EYS: variants seen among roughly 807,000 people sequenced by gnomAD.
EYS encodes EGF-like photoreceptor maintenance factor.
EYS carries 250 observed loss-of-function variants against 282.1 expected under a neutral mutation model. The observed-to-expected ratio is 0.89, with a 90% confidence interval of 0.80 to 0.98. The LOEUF (loss-of-function observed/expected upper bound fraction) is 0.98, where lower values mean the gene tolerates loss of function less well. Among genes scored for constraint, EYS ranks in the 50% least tolerant of loss-of-function variants. The pLI, the probability that EYS is intolerant of heterozygous loss-of-function variation, is 0.00. For synonymous variants in EYS, 1,355 were observed against 1,282.9 expected, an observed-to-expected ratio of 1.06 and a Z score of -1.20; for missense variants, 4,016 against 3,709.0, an observed-to-expected ratio of 1.08 and a Z score of -2.15.
chr6:65,572,308 T>C (rs1582470466), intron 2 of EYS, among the ~76,000 whole-genome samples: 1 of 152,098 alleles, frequency 6.6e-6, no homozygotes. Context: ...ATGTGAAACA[T>C]AATGTTAAAA....
In EYS at chr6:64,526,516, T is replaced by C. The variant is rs544840366; in HGVS notation, c.5644+63707A>G. Among the ~76,000 whole-genome samples the C allele has an allele frequency of 1.3e-3, 204 of 152,008 alleles. 1 individual carries two copies. The highest frequency in any genetic ancestry group is 4.7e-3 in the African/African-American group (194 of 41,550). On this transcript the variant is annotated intron_variant, in intron 26 of 42. Coordinates refer to ENST00000503581, the MANE Select transcript of EYS (RefSeq NM_001142800.2). ...ACTTAAAATATAGATTATGACCAAATTGTTACATATTGACCATTTAACATA... is the reference window on the plus strand; with the variant it reads ...ACTTAAAATATAGATTATGACCAAACTGTTACATATTGACCATTTAACATA...
chr6:64,766,852 T>G (rs1375010204), intron 22 of EYS, among the ~76,000 whole-genome samples: 1 of 151,036 alleles, frequency 6.6e-6, no homozygotes, highest in African/African-American at 2.4e-5. Flanking sequence ...AATTTGTTAC[T>G]TCTTACCTTA....
chr6:64,677,999 T>G (rs1280331872), intron 22 of EYS, among the ~76,000 whole-genome samples: 2 of 152,138 alleles, frequency 1.3e-5, no homozygotes, highest in African/African-American at 4.8e-5. Context: ...CTTTTTCCTC[T>G]TTTTATTTTA....
intron 22 of EYS, among the ~76,000 whole-genome samples, chr6:64,792,067 C>A (rs541095210): frequency 1.3e-5 from 2 of 151,960 alleles, no homozygotes; most frequent in South Asian, 2.1e-4. Flanking sequence ...GTCTGTACTG[C>A]ATTTTTTTCC....
chr6:64,265,189 C>G (rs1228408476), intron 30 of EYS, among the ~76,000 whole-genome samples: 1 of 152,012 alleles, frequency 6.6e-6, no homozygotes, highest in Non-Finnish European at 1.5e-5. Flanking sequence ...AGATTGATAA[C>G]AGTATGCAAT....
At chr6:64,131,377 G>T (rs895464025) in intron 31 of EYS, among the ~76,000 whole-genome samples, 1 of 151,966 alleles carries the variant, frequency 6.6e-6, no homozygotes, top group Non-Finnish European at 1.5e-5. Context: ...ACAAAGAAAA[G>T]CAATGTTGCT....
chr6:64,092,781 G>T (rs1772418926), intron 31 of EYS, among the ~76,000 whole-genome samples: 1 of 151,286 alleles, frequency 6.6e-6, no homozygotes, highest in African/African-American at 2.5e-5. Context: ...GTCAATTTTG[G>T]CTTTTGTTGC....
chr6:65,569,671 C>G (rs1277432899), intron 2 of EYS, among the ~76,000 whole-genome samples: 1 of 152,090 alleles, frequency 6.6e-6, no homozygotes, highest in African/African-American at 2.4e-5. Flanking sequence ...ACTGGCTCAT[C>G]TGGTTTTGTG....
intron 2 of EYS, among the ~76,000 whole-genome samples, chr6:65,627,873 C>A (rs1464802663): frequency 6.6e-6 from 1 of 152,250 alleles, no homozygotes; most frequent in Non-Finnish European, 1.5e-5. Context: ...GCGAGCACCA[C>A]CCCCTGCTCT....
In EYS at chr6:64,710,576, A is replaced by C. The variant is rs567266316; in HGVS notation, c.3444-84331T>G. Among the ~76,000 whole-genome samples, 6 of 152,218 alleles carry C rather than the reference A, an allele frequency of 3.9e-5. No homozygotes were observed. In the South Asian group the frequency reaches 6.2e-4, roughly 16 times the overall value. ...TGTGGAGTGCTTTCTCACTTTAATA[A>C]ATTTCTGGTTTAGCTGCTTCCTTCC... On this transcript the variant is annotated intron_variant, in intron 22 of 42. Coordinates refer to ENST00000503581, the MANE Select transcript of EYS (RefSeq NM_001142800.2).
intron 33 of EYS, among the ~76,000 whole-genome samples, chr6:64,060,528 A>T (rs1363912976): frequency 6.6e-6 from 1 of 152,116 alleles, no homozygotes; most frequent in Non-Finnish European, 1.5e-5. Flanking sequence ...ATATGACCAA[A>T]ATCAATCCTA....
chr6:65,007,245 G>T (rs995681621), intron 13 of EYS, among the ~76,000 whole-genome samples: 1 of 152,108 alleles, frequency 6.6e-6, no homozygotes, highest in Non-Finnish European at 1.5e-5. Flanking sequence ...AATGCTCATC[G>T]GAAAATGACT....
chr6:64,692,977 C>CTTTTTTTTTTTTTTTGTTTTTTTTTTT (rs1770441389), intron 22 of EYS, among the ~76,000 whole-genome samples: 1 of 11,496 alleles, frequency 8.7e-5, no homozygotes, highest in Non-Finnish European at 1.6e-4. Flanking sequence ...GCTGCTTGGG[C>CTTTTTTTTTTTTTTTGTTTTTTTTTTT]TTTTTTTTTT....
intron 2 of EYS, among the ~76,000 whole-genome samples, chr6:65,617,176 T>A (rs1009183521): frequency 6.6e-6 from 1 of 152,102 alleles, no homozygotes; most frequent in East Asian, 1.9e-4. Context: ...AACCTATGTA[T>A]AACTAAGAAA....
At chr6:64,099,282 C>A (rs1202740453) in intron 31 of EYS, among the ~76,000 whole-genome samples, 2 of 152,098 alleles carry the variant, frequency 1.3e-5, no homozygotes, top group Non-Finnish European at 2.9e-5. Flanking sequence ...AAGTAGTAAG[C>A]CTAATTAAGC....
At chr6:64,173,228 C>T (rs1159090573) in intron 31 of EYS, among the ~76,000 whole-genome samples, 1 of 152,068 alleles carries the variant, frequency 6.6e-6, no homozygotes, top group East Asian at 1.9e-4. Context: ...TGTCATAATG[C>T]CTACAACTAT....
intron 35 of EYS, among the ~76,000 whole-genome samples, chr6:63,956,261 G>T (rs139434994): frequency 0.016 from 2,461 of 150,942 alleles, 63 homozygotes; most frequent in African/African-American, 0.057. Context: ...GCCTTAACTG[G>T]TGACATTACC....
At position 64,424,499 on chromosome 6, in the gene EYS, A is replaced by G. The variant is rs1774340214; in HGVS notation, c.5927+11675T>C. On this transcript the variant is annotated intron_variant, in intron 28 of 42. Transcript: ENST00000503581. The stretch of plus-strand genomic sequence containing the variant: ...TAGACAGCCTAGCGACCCTACTGAA[A>G]CAGAACTTCTGATTTTTATGGCTGC... Among the ~76,000 whole-genome samples the G allele has an allele frequency of 3.9e-5, 6 of 152,326 alleles. No individual in the cohort carries two copies. In the South Asian group the frequency reaches 1.2e-3, roughly 32 times the overall value.
chr6:65,072,968 TA>T (rs1479603772), intron 12 of EYS, among the ~76,000 whole-genome samples: 1 of 151,488 alleles, frequency 6.6e-6, no homozygotes, highest in Non-Finnish European at 1.5e-5. Flanking sequence ...ATTATATAAT[TA>T]ATGTTTTTTA....
Sources: allele counts gnomAD v4.1 joint callset (sites outside exome capture counted in the v4.1 genomes callset), GRCh38; gene constraint gnomAD v4.1.1; transcripts MANE v1.5; gene names NCBI Gene and HGNC (gene_info 2026-07-23, HGNC 2026-07-21).